Variants in NNT observed in about 807,000 individuals in gnomAD.
NNT encodes the protein NAD(P) transhydrogenase, mitochondrial.
Under a neutral mutation model 104.8 loss-of-function variants are expected in NNT, and 50 were observed. The ratio of observed to expected loss-of-function variants is 0.48; its 90% CI spans 0.38 to 0.60. NNT has a LOEUF of 0.60. NNT is among the 20% of genes least tolerant of loss of function. NNT has a pLI of 0.00. For synonymous variants in NNT, 461 were observed against 490.4 expected (o/e 0.94, Z 0.79); for missense variants, 1,131 against 1,330.7 (o/e 0.85, Z 2.33).
intron 19 of NNT, among the ~76,000 whole-genome samples, chr5:43,692,355 G>A (rs908010560): frequency 1.3e-5 from 2 of 151,692 alleles, no homozygotes; most frequent in African/African-American, 4.8e-5. Context: ...ATGGAGTTTT[G>A]CTTTCTCGCC....
Position 43,644,178 on chromosome 5 carries a change from T to C in NNT, c.965-14T>C. On this transcript the variant is annotated splice_polypyrimidine_tract_variant and intron_variant, in intron 7 of 21. Coordinates refer to ENST00000344920, the MANE Select transcript of NNT (RefSeq NM_182977.3). ...TGATAATACAAATTGTGCTGCTTTC[T>C]TTGATTTTATTAGGTAAAAAAGCTC... 1 of 1,591,220 alleles carries C rather than the reference T, an allele frequency of 6.3e-7. No homozygotes were observed. The highest frequency in any genetic ancestry group is 8.6e-7 in the Non-Finnish European group (1 of 1,169,218).
chr5:43,655,703 A>G (rs1740005617), intron 14 of NNT, 137 bp from the exon 15 acceptor site: 6 of 658,686 alleles, frequency 9.1e-6, no homozygotes, highest in Middle Eastern at 7.8e-4. Context: ...CAGCCCCTGT[A>G]GAGAATATTT....
chr5:43,701,213 T>G (rs2112252892), intron 20 of NNT, among the ~76,000 whole-genome samples: 1 of 152,302 alleles, frequency 6.6e-6, no homozygotes, highest in Non-Finnish European at 1.5e-5. Flanking sequence ...CCCACAGTTT[T>G]TCAACCCTTG....
intron 17 of NNT, among the ~76,000 whole-genome samples, chr5:43,668,029 A>G (rs1335245786): frequency 3.3e-5 from 5 of 152,172 alleles, no homozygotes; most frequent in Admixed American, 6.5e-5. Flanking sequence ...GTGATGATGA[A>G]CATTTTTTCA....
intron 16 of NNT, among the ~76,000 whole-genome samples, chr5:43,657,743 G>A (rs1009592535): frequency 1.3e-4 from 19 of 152,000 alleles, no homozygotes; most frequent in Non-Finnish European, 2.4e-4. Flanking sequence ...TTTTATTCTG[G>A]CTTATTGCAC....
At chr5:43,627,792 G>A (rs1390443261) in intron 6 of NNT, among the ~76,000 whole-genome samples, 2 of 152,028 alleles carry the variant, frequency 1.3e-5, no homozygotes, top group Admixed American at 1.3e-4. Flanking sequence ...TGTGGGAAAG[G>A]TCTCTAGTAA....
Position 43,656,414 on chromosome 5 carries a change from T to G in NNT, c.2294-239T>G, listed in dbSNP as rs559996272. ...TTTTTCCCCTCATCCTTCCCCTTTA[T>G]TGATACTTAGTAAGTCTCATAAAGC... On this transcript the variant is annotated intron_variant, in intron 15 of 21. Coordinates refer to ENST00000344920, the MANE Select transcript of NNT (RefSeq NM_182977.3). Among the ~76,000 whole-genome samples the G allele has an allele frequency of 3.3e-5, 5 of 152,360 alleles. No individual in the cohort carries two copies. The East Asian group carries it at 9.6e-4, about 29-fold the overall frequency.
chr5:43,608,005 A>T (rs1469968039), intron 1 of NNT, among the ~76,000 whole-genome samples: 1 of 151,658 alleles, frequency 6.6e-6, no homozygotes, highest in Non-Finnish European at 1.5e-5. Context: ...ATCTTGGCTC[A>T]CTGCATCCTC....
At chr5:43,684,124 A>G (rs1741861641) in intron 19 of NNT, among the ~76,000 whole-genome samples, 1 of 152,294 alleles carries the variant, frequency 6.6e-6, no homozygotes, top group Admixed American at 6.5e-5. Context: ...TAGCCTGTCA[A>G]ATATTTCCTG....
chr5:43,612,769 C>A, intron 2 of NNT, 139 bp from the exon 3 acceptor site: 1 of 607,466 alleles, frequency 1.6e-6, no homozygotes, highest in South Asian at 2.2e-5. Flanking sequence ...TCAGGAACAT[C>A]ATTCTGAACA....
At position 43,628,299 on chromosome 5, in the gene NNT, G is replaced by T. The variant is rs1750475495; in HGVS notation, c.876G>T (p.Met292Ile). The change falls in exon 7 of 22, where the codon ATG becomes ATT. Residue 292 changes from methionine to isoleucine, a missense_variant. By Grantham distance (10) the Met-to-Ile change is conservative. Coordinates refer to ENST00000344920, the MANE Select transcript of NNT (RefSeq NM_182977.3). ...GEGQGGYAKE[M>I]SKEFIEAEMK... ...GACAAGGAGGATATGCAAAAGAGAT[G>T]TCCAAAGAGTTCATTGAAGCTGAAA... is the stretch of plus-strand genomic sequence containing the variant. 1 of 1,614,016 alleles carries T rather than the reference G, an allele frequency of 6.2e-7. No homozygotes were observed. The highest frequency in any genetic ancestry group is 1.3e-5 in the African/African-American group (1 of 75,018).
At chr5:43,693,672 G>C (rs1400996486) in intron 19 of NNT, among the ~76,000 whole-genome samples, 1 of 151,904 alleles carries the variant, frequency 6.6e-6, no homozygotes, top group Admixed American at 6.6e-5. Context: ...AGCAATGTTT[G>C]GTTAAAAAAA....
intron 7 of NNT, among the ~76,000 whole-genome samples, chr5:43,633,437 T>G (rs1750783886): frequency 6.6e-6 from 1 of 152,240 alleles, no homozygotes; most frequent in Non-Finnish European, 1.5e-5. Context: ...CTCTTTGGAA[T>G]ACTATCCTTG....
chr5:43,639,477 A>G (rs1159832153), intron 7 of NNT, among the ~76,000 whole-genome samples: 4 of 152,172 alleles, frequency 2.6e-5, no homozygotes, highest in South Asian at 2.1e-4. Context: ...TTGGGAAACT[A>G]TAATTCAAAT....
chr5:43,653,993 A>T (rs2111919006), intron 14 of NNT, among the ~76,000 whole-genome samples: 1 of 152,224 alleles, frequency 6.6e-6, no homozygotes, highest in South Asian at 2.1e-4. Context: ...GAATTTTTAA[A>T]GTTGATTGTT....
intron 19 of NNT, among the ~76,000 whole-genome samples, chr5:43,679,274 T>G (rs1295759284): frequency 6.6e-6 from 1 of 152,246 alleles, no homozygotes; most frequent in African/African-American, 2.4e-5. Context: ...AGTCCAGATG[T>G]GAAAAAGTGT....
At chr5:43,627,123 T>C (rs1432124884) in intron 6 of NNT, among the ~76,000 whole-genome samples, 2 of 152,174 alleles carry the variant, frequency 1.3e-5, no homozygotes, top group Non-Finnish European at 2.9e-5. Flanking sequence ...CTGTCACTCC[T>C]CTCTGCTGTC....
rs1286927320 is a variant in NNT, at chr5:43,677,789, G to A, written c.2859G>A (p.Glu953=). Residue 953 remains glutamate, a synonymous_variant, in exon 19 of 22, where the codon GAG becomes GAA. Coordinates refer to ENST00000344920, the MANE Select transcript of NNT (RefSeq NM_182977.3). ...CTGATTTGGTAAAGATGCTCACTGAGCAAGGCAAAAAAGTCAGGTAAGCGT... is the reference window on the plus strand; with the variant it reads ...CTGATTTGGTAAAGATGCTCACTGAACAAGGCAAAAAAGTCAGGTAAGCGT... ...PIADLVKMLT[E]QGKKVRFGIH... The A allele has an allele frequency of 1.2e-6, 2 of 1,613,618 alleles. No individual in the cohort carries two copies. Among genetic ancestry groups the A allele is most frequent in the South Asian group, 1.1e-5 (1 of 91,060 alleles).
In NNT at chr5:43,653,203, T is replaced by C. The variant is rs768016303; in HGVS notation, c.2049T>C (p.Gly683=). The change falls in exon 14 of 22, where the codon GGT becomes GGC. Residue 683 remains glycine, a synonymous_variant. Transcript: ENST00000344920. ...LAQMSGAMAL[G]GTIGLTIAKR... ...AGATGTCTGGAGCGATGGCTTTGGG[T>C]GGTACCATTGGTAAGCACTTGTGGG... The C allele has an allele frequency of 6.2e-7, 1 of 1,613,094 alleles. No homozygotes were observed. The highest frequency in any genetic ancestry group is 8.5e-7 in the Non-Finnish European group (1 of 1,179,310).
Sources: gnomAD v4.1 joint callset for allele counts (sites outside exome capture counted in the v4.1 genomes callset) on GRCh38, gnomAD v4.1.1 for gene constraint, MANE v1.5 for transcripts, NCBI Gene and HGNC (gene_info 2026-07-23, HGNC 2026-07-21) for gene names.